The following JPH3 variants were observed in gnomAD, a reference collection of about 807,000 sequenced individuals.
JPH3 encodes junctophilin 3.
Under a neutral mutation model 59.6 loss-of-function variants are expected in JPH3, and 11 were observed. The ratio of observed to expected loss-of-function variants is 0.18; its 90% CI spans 0.12 to 0.31. The LOEUF (loss-of-function observed/expected upper bound fraction) is 0.31, where lower values mean the gene tolerates loss of function less well. Ranked by LOEUF, JPH3 falls within the 10% of genes least tolerant of loss-of-function variation. The pLI is 1.00. For synonymous variants in JPH3, 673 were observed against 483.6 expected, an observed-to-expected ratio of 1.39 and a Z score of -5.14; for missense variants, 1,202 against 1,105.7, an observed-to-expected ratio of 1.09 and a Z score of -1.24.
intron 1 of JPH3, among the ~76,000 whole-genome samples, chr16:87,619,141 C>T (rs1293928155): frequency 1.3e-5 from 2 of 151,696 alleles, no homozygotes; most frequent in Middle Eastern, 3.4e-3. Flanking sequence ...CATGGCAAAA[C>T]CCCATTTCTA....
rs1567603521 is a variant in JPH3 at position 87,659,390 on chromosome 16, AAAAAAAAAG to A, written c.1160+14360_1160+14368del. Among the ~76,000 whole-genome samples the A allele has an allele frequency of 6.8e-5, 10 of 146,864 alleles. 1 individual carries two copies. The East Asian group carries it at 1.6e-3, about 24-fold the overall frequency. On this transcript the variant is annotated intron_variant, in intron 2 of 4. Coordinates refer to ENST00000284262, the MANE Select transcript of JPH3 (RefSeq NM_020655.4). ...AGACTGTCTCAAAAAAAAAAAAGAA[AAAAAAAAAG>A]AAAACTACACACACATACACACAAC...
At chr16:87,638,387 T>G (rs2031828005) in intron 1 of JPH3, among the ~76,000 whole-genome samples, 1 of 152,140 alleles carries the variant, frequency 6.6e-6, no homozygotes, top group Admixed American at 6.5e-5. Context: ...GCCTGGACCG[T>G]GGAGCACAGG....
At chr16:87,610,016 G>C (rs2030673852) in intron 1 of JPH3, among the ~76,000 whole-genome samples, 1 of 152,202 alleles carries the variant, frequency 6.6e-6, no homozygotes, top group Non-Finnish European at 1.5e-5. Context: ...ATCTGGGGGT[G>C]ATGGGAGATA....
At chr16:87,614,748 C>T (rs111238932) in intron 1 of JPH3, among the ~76,000 whole-genome samples, 3 of 141,064 alleles carry the variant, frequency 2.1e-5, no homozygotes, top group South Asian at 2.3e-4. Context: ...CGTCCCCTCC[C>T]GGGATAAACG....
chr16:87,642,290 A>G (rs1380413048), intron 1 of JPH3, among the ~76,000 whole-genome samples: 2 of 151,904 alleles, frequency 1.3e-5, no homozygotes, highest in Non-Finnish European at 2.9e-5. Flanking sequence ...GCTCCGAGAG[A>G]TGGCGGCACC....
chr16:87,660,855 A>G (rs974074768), intron 2 of JPH3, among the ~76,000 whole-genome samples: 5 of 152,188 alleles, frequency 3.3e-5, no homozygotes, highest in African/African-American at 9.6e-5. Context: ...GACACATCCA[A>G]GTGGATCTCT....
intron 2 of JPH3, among the ~76,000 whole-genome samples, chr16:87,682,858 C>G (rs1225485846): frequency 6.6e-6 from 1 of 152,200 alleles, no homozygotes; most frequent in Non-Finnish European, 1.5e-5. Context: ...GCCAGCACAC[C>G]AGGTAGGAAG....
intron 2 of JPH3, among the ~76,000 whole-genome samples, chr16:87,647,384 C>T (rs980728985): frequency 6.6e-6 from 1 of 151,998 alleles, no homozygotes; most frequent in Admixed American, 6.5e-5. Flanking sequence ...GACAGAAGGA[C>T]AGACAGACGG....
intron 1 of JPH3, among the ~76,000 whole-genome samples, chr16:87,613,809 A>C (rs989820621): frequency 6.6e-6 from 1 of 152,200 alleles, no homozygotes; most frequent in African/African-American, 2.4e-5. Flanking sequence ...TGGGCATTTT[A>C]TCATAGACGT....
Position 87,644,493 on chromosome 16 carries a change from C to A in JPH3, c.618C>A (p.Ile206=). Residue 206 remains isoleucine (I), a synonymous_variant, in exon 2 of 5, where the codon ATC becomes ATA. Coordinates refer to ENST00000284262, the MANE Select transcript of JPH3 (RefSeq NM_020655.4). ...FVLVAHSDSE[I]LKSKKKGLFR... is the part of the protein sequence containing the mutation. Reference sequence around the variant, plus strand: ...TCGTGGCCCACAGTGACTCCGAGATCCTCAAGAGCAAGAAGAAGGGGCTGT... The same window carrying A: ...TCGTGGCCCACAGTGACTCCGAGATACTCAAGAGCAAGAAGAAGGGGCTGT... 1 of 1,612,964 alleles carries A rather than the reference C, an allele frequency of 6.2e-7. No homozygotes were observed. Among genetic ancestry groups the A allele is most frequent in the Non-Finnish European group, 8.5e-7 (1 of 1,179,860 alleles).
At position 87,687,420 on chromosome 16, in the gene JPH3, C is replaced by A. The variant is rs117894022; in HGVS notation, c.1286-2226C>A. ...GAGAGTGGCTGGCGCCAGCCTCTTG[C>A]TGCCTGTCTGGGAGGTCCCTGGCAG... is the stretch of plus-strand genomic sequence containing the variant. On this transcript the variant is annotated intron_variant, in intron 3 of 4. Coordinates refer to ENST00000284262, the MANE Select transcript of JPH3 (RefSeq NM_020655.4). Among the ~76,000 whole-genome samples, 34 of 152,326 alleles carry A rather than the reference C, an allele frequency of 2.2e-4. No homozygotes were observed. In the East Asian group the frequency reaches 4.8e-3, roughly 22 times the overall value.
At chr16:87,618,799 G>A (rs2031066981) in intron 1 of JPH3, among the ~76,000 whole-genome samples, 1 of 152,092 alleles carries the variant, frequency 6.6e-6, no homozygotes, top group Admixed American at 6.6e-5. Flanking sequence ...TAAAAATTGG[G>A]TTATTTCAGG....
intron 2 of JPH3, among the ~76,000 whole-genome samples, chr16:87,677,800 A>G (rs1263520864): frequency 6.6e-6 from 1 of 152,194 alleles, no homozygotes; most frequent in Non-Finnish European, 1.5e-5. Flanking sequence ...TACCAGGCAG[A>G]CCCGCTCCTG....
intron 2 of JPH3, among the ~76,000 whole-genome samples, chr16:87,667,022 C>T (rs374862412): frequency 2.6e-4 from 39 of 152,374 alleles, no homozygotes; most frequent in African/African-American, 8.7e-4. Context: ...AGTCCCCCAG[C>T]TCCGGGCAGA....
At chr16:87,626,456 C>T (rs116520068) in intron 1 of JPH3, among the ~76,000 whole-genome samples, 2,536 of 152,292 alleles carry the variant, frequency 0.017, 58 homozygotes, top group African/African-American at 0.043. Context: ...CCCAGGAGAC[C>T]GAGGCCTGTG....
chr16:87,625,606 A>G (rs12443513), intron 1 of JPH3, among the ~76,000 whole-genome samples: 2 of 152,030 alleles, frequency 1.3e-5, no homozygotes, highest in Admixed American at 6.5e-5. Flanking sequence ...CTGTTGCCCT[A>G]TGTCTCACAG....
At chr16:87,652,263 C>G (rs574406124) in intron 2 of JPH3, among the ~76,000 whole-genome samples, 3 of 152,358 alleles carry the variant, frequency 2.0e-5, no homozygotes, top group African/African-American at 7.2e-5. Flanking sequence ...GCGTGAGCCA[C>G]CGCGCCCAGC....
Position 87,697,100 on chromosome 16 carries a change from T to A in JPH3, c.*440T>A, listed in dbSNP as rs1567623260. 2 of 263,308 alleles carry A rather than the reference T, an allele frequency of 7.6e-6. No individual in the cohort carries two copies. Among genetic ancestry groups the A allele is most frequent in the East Asian group, 1.9e-4 (2 of 10,708 alleles). The allele number at this position is 263,308 out of a possible 1,614,324, so 16.3% of individuals were successfully genotyped here. A position where few individuals can be genotyped will look rare whatever the true frequency, so the allele number is the denominator to read the frequency against. ...GTCGACACGAGCTTAGAAAGTGGATTCACTGCTTTCTCTGTCTAGAACAGA... is the reference window on the plus strand; with the variant it reads ...GTCGACACGAGCTTAGAAAGTGGATACACTGCTTTCTCTGTCTAGAACAGA... On this transcript the variant is annotated 3_prime_UTR_variant, in exon 5 of 5. Transcript: ENST00000284262.
chr16:87,651,780 T>C (rs2032332324), intron 2 of JPH3, among the ~76,000 whole-genome samples: 1 of 152,246 alleles, frequency 6.6e-6, no homozygotes, highest in African/African-American at 2.4e-5. Flanking sequence ...GCTGCAGACA[T>C]TGTTGAAGTG....
Sources: allele counts gnomAD v4.1 joint callset (sites outside exome capture counted in the v4.1 genomes callset), GRCh38; gene constraint gnomAD v4.1.1; transcripts MANE v1.5; gene names NCBI Gene and HGNC (gene_info 2026-07-23, HGNC 2026-07-21).